The following CCDC12 variants were observed in gnomAD, a reference collection of about 807,000 sequenced individuals.
CCDC12 encodes coiled-coil domain-containing protein 12.
In CCDC12, 28 loss-of-function variants were observed where a neutral mutation model predicts 25.7. The ratio of observed to expected loss-of-function variants is 1.09; its 90% confidence interval spans 0.81 to 1.50. The LOEUF (loss-of-function observed/expected upper bound fraction) is 1.50, where lower values mean the gene tolerates loss of function less well. CCDC12 is among the 40% of genes most tolerant of loss of function. The probability of loss-of-function intolerance (pLI) is 0.00; values close to 1 mark genes in which losing one functional copy is unlikely to be tolerated. For synonymous variants in CCDC12, 75 were observed against 87.7 expected (o/e 0.86, Z 0.81); for missense variants, 198 against 210.0 (o/e 0.94, Z 0.35).
chr3:46,950,478 C>G (rs1374341353), intron 1 of CCDC12, among the ~76,000 whole-genome samples: 1 of 82,804 alleles, frequency 1.2e-5, no homozygotes, highest in East Asian at 3.9e-4. Flanking sequence ...CCACCATGCA[C>G]AGCTTTTTTT....
rs1250107553 is a variant in CCDC12 at position 46,922,257 on chromosome 3, T to A, written c.397A>T (p.Arg133Trp). 6.2e-7 allele frequency: 1 copy of A among 1,614,252 alleles called. No homozygotes were observed. The highest frequency in any genetic ancestry group is 1.1e-5 in the South Asian group (1 of 91,084). The stretch of plus-strand genomic sequence containing the variant: ...TTACGGATCAGCTCGGCAATGGCCC[T>A]CTGAGTCCGCTTTTTTAGTTTCTCC... ...KLEKLKKRTQ[R>W]AIAELIRERL... The change falls in exon 6 of 7, where the codon AGG (arginine) becomes TGG (tryptophan). Residue 133 changes from arginine (R) to tryptophan (W), a missense_variant. Physicochemically the swap from Arg to Trp is moderately radical, Grantham distance 101. Coordinates refer to ENST00000683445, the MANE Select transcript of CCDC12 (RefSeq NM_001277074.2).
intron 1 of CCDC12, among the ~76,000 whole-genome samples, chr3:46,954,837 C>T (rs1008204490): frequency 2.0e-5 from 3 of 152,126 alleles, no homozygotes; most frequent in Non-Finnish European, 4.4e-5. Context: ...GCAGGAGAAT[C>T]GCTTGAAACC....
At chr3:46,932,218 A>T (rs1028252529) in intron 2 of CCDC12, among the ~76,000 whole-genome samples, 5 of 152,220 alleles carry the variant, frequency 3.3e-5, no homozygotes, top group Non-Finnish European at 5.9e-5. Flanking sequence ...AGCAAAACAA[A>T]GCATTCTATA....
intron 3 of CCDC12, among the ~76,000 whole-genome samples, chr3:46,924,327 C>T (rs2032840830): frequency 6.6e-6 from 1 of 152,216 alleles, no homozygotes; most frequent in South Asian, 2.1e-4. Context: ...AGGGCTTCCC[C>T]TGACCTGGGC....
chr3:46,922,378 C>T (rs915349678), intron 5 of CCDC12, 66 bp from the exon 6 acceptor site: 2 of 1,562,346 alleles, frequency 1.3e-6, no homozygotes, highest in African/African-American at 1.4e-5. Context: ...TGGGTCCCCT[C>T]CCCTCTTGCA....
chr3:46,964,599 C>T (rs899751685), intron 1 of CCDC12, among the ~76,000 whole-genome samples: 2 of 152,184 alleles, frequency 1.3e-5, no homozygotes, highest in African/African-American at 4.8e-5. Flanking sequence ...TCATTTTGTT[C>T]TGTACTAAGA....
chr3:46,937,141 G>A (rs1460149293), intron 2 of CCDC12, among the ~76,000 whole-genome samples: 1 of 152,156 alleles, frequency 6.6e-6, no homozygotes, highest in Non-Finnish European at 1.5e-5. Flanking sequence ...AGATGGTGAG[G>A]GGGTCAGACT....
intron 1 of CCDC12, among the ~76,000 whole-genome samples, chr3:46,974,182 G>A (rs1160155708): frequency 6.6e-6 from 1 of 152,206 alleles, no homozygotes; most frequent in African/African-American, 2.4e-5. Flanking sequence ...ATTGCCAGGG[G>A]CTGGGGAAAG....
In CCDC12 at chr3:46,951,799, AT is replaced by A. The variant is rs1438468765; in HGVS notation, c.97-10735del. ...CGTCTCAAAAAAAAAAAAAAAAAAA[AT>A]ATATATATATATATATATATATACT... On this transcript the variant is annotated intron_variant, in intron 1 of 6. Transcript: ENST00000683445. 7.0e-3 allele frequency among the ~76,000 whole-genome samples: 205 copies of A among 29,106 alleles called. 3 individuals are homozygous for A. The highest frequency in any genetic ancestry group is 0.021 in the African/African-American group (179 of 8,446). The allele number at this position is 29,106 out of a possible 152,430, so 19.1% of individuals were successfully genotyped here.
chr3:46,955,706 G>A (rs563664639), intron 1 of CCDC12, among the ~76,000 whole-genome samples: 20 of 152,298 alleles, frequency 1.3e-4, no homozygotes, highest in African/African-American at 4.1e-4. Flanking sequence ...AATATGATTC[G>A]AGTATTTTAT....
intron 3 of CCDC12, among the ~76,000 whole-genome samples, chr3:46,924,478 C>T (rs1270556700): frequency 2.0e-5 from 3 of 152,210 alleles, no homozygotes; most frequent in African/African-American, 7.2e-5. Context: ...CGGGATGTGG[C>T]CAAATGGGCA....
At chr3:46,979,709 G>A (rs1423898069), upstream of CCDC12, 1 of 308,546 alleles carries the variant, frequency 3.2e-6, no homozygotes, top group Non-Finnish European at 6.0e-6. Flanking sequence ...TCTGCGCCGC[G>A]GAGGCCACAG....
At chr3:46,923,527 G>T in intron 4 of CCDC12, 80 bp downstream of exon 4, 1 of 1,491,830 alleles carries the variant, frequency 6.7e-7, no homozygotes, top group Non-Finnish European at 9.2e-7. Flanking sequence ...GAAGGAATGG[G>T]GGGCAGAGGG....
chr3:46,926,807 C>T (rs2032980367), intron 2 of CCDC12, among the ~76,000 whole-genome samples: 2 of 152,150 alleles, frequency 1.3e-5, no homozygotes, highest in South Asian at 4.1e-4. Context: ...ACCAGTGGTC[C>T]CTCAGAAAAG....
chr3:46,976,236 T>A, intron 1 of CCDC12: 3 of 872,300 alleles, frequency 3.4e-6, no homozygotes, highest in Non-Finnish European at 4.2e-6. Flanking sequence ...GACTGGGGAG[T>A]CTGTCTGACT....
chr3:46,946,886 A>G (rs548056900), intron 1 of CCDC12, among the ~76,000 whole-genome samples: 2 of 152,172 alleles, frequency 1.3e-5, no homozygotes, highest in Admixed American at 6.5e-5. Context: ...AAGACTTCCC[A>G]AGGACTCAAA....
chr3:46,960,485 G>A (rs565866560), intron 1 of CCDC12, among the ~76,000 whole-genome samples: 1 of 152,316 alleles, frequency 6.6e-6, no homozygotes, highest in Middle Eastern at 3.4e-3. Flanking sequence ...GAGGGGGGCT[G>A]TCCTTGAAAG....
At chr3:46,923,781 C>T in intron 3 of CCDC12, 113 bp from the exon 4 acceptor site, 1 of 907,538 alleles carries the variant, frequency 1.1e-6, no homozygotes, top group African/African-American at 1.7e-5. Context: ...TCCTTGCTCC[C>T]ACCTCTGTGT....
chr3:46,950,315 A>AT (rs34752047), intron 1 of CCDC12, among the ~76,000 whole-genome samples: 142,223 of 151,958 alleles, frequency 0.94, 67,334 homozygotes, highest in East Asian at 1. Flanking sequence ...CTACATTTGC[A>AT]TTTTTTTGAG....
Sources: allele counts gnomAD v4.1 joint callset (sites outside exome capture counted in the v4.1 genomes callset), GRCh38; gene constraint gnomAD v4.1.1; transcripts MANE v1.5; gene names NCBI Gene and HGNC (gene_info 2026-07-23, HGNC 2026-07-21).